The following SLC28A1 variants were observed in gnomAD, a reference collection of about 807,000 sequenced individuals.
SLC28A1 encodes the protein sodium/nucleoside cotransporter 1.
SLC28A1 carries 64 observed loss-of-function variants against 74.8 expected under a neutral mutation model. That is an observed-to-expected ratio of 0.86 (90% CI 0.70 to 1.05). SLC28A1 has a LOEUF of 1.05. SLC28A1 is among the 50% of genes least tolerant of loss of function. The probability of loss-of-function intolerance (pLI) is 0.00; values close to 1 mark genes in which losing one functional copy is unlikely to be tolerated. For synonymous variants in SLC28A1, 359 were observed against 335.0 expected, an observed-to-expected ratio of 1.07 and a Z score of -0.78; for missense variants, 828 against 822.8, an observed-to-expected ratio of 1.01 and a Z score of -0.08.
chr15:84,918,740 G>A (rs1562884), intron 10 of SLC28A1, 136 bp downstream of exon 10: 276,978 of 756,310 alleles, frequency 0.37, 52,446 homozygotes, highest in South Asian at 0.49. Context: ...CCCTTCCAGA[G>A]TCCCCTGTTC....
At chr15:84,972,747 T>C in the SLC28A1 span, among the ~76,000 whole-genome samples, 1 of 152,250 alleles carries the variant, frequency 6.6e-6, no homozygotes, top group Non-Finnish European at 1.5e-5. Context: ...CATTGGTAGC[T>C]ATGCTTCTAT....
chr15:84,962,048 A>G, the SLC28A1 span, among the ~76,000 whole-genome samples: 1 of 152,078 alleles, frequency 6.6e-6, no homozygotes, highest in Non-Finnish European at 1.5e-5. Flanking sequence ...GTCTTTTGCA[A>G]TAATCTTGAC....
chr15:84,909,109 G>A (rs1217424406), intron 9 of SLC28A1, among the ~76,000 whole-genome samples: 1 of 152,158 alleles, frequency 6.6e-6, no homozygotes, highest in Non-Finnish European at 1.5e-5. Context: ...GGGGGTAGGG[G>A]TCATGGGGAC....
chr15:84,916,104 A>C (rs979295532), intron 9 of SLC28A1, among the ~76,000 whole-genome samples: 1 of 150,786 alleles, frequency 6.6e-6, no homozygotes, highest in Non-Finnish European at 1.5e-5. Context: ...CTGGGATTAC[A>C]GGCACCCGCC....
chr15:84,935,712 A>C (rs970121943), intron 15 of SLC28A1, among the ~76,000 whole-genome samples, 194 bp downstream of exon 15: 1 of 152,166 alleles, frequency 6.6e-6, no homozygotes, highest in African/African-American at 2.4e-5. Flanking sequence ...AAGGCCTTTT[A>C]GGAGGCTGAG....
At chr15:84,912,693 T>C (rs1968435946) in intron 9 of SLC28A1, among the ~76,000 whole-genome samples, 1 of 152,038 alleles carries the variant, frequency 6.6e-6, no homozygotes, top group Admixed American at 6.6e-5. Context: ...TCAGATTTTC[T>C]CTGGAGGAAC....
At chr15:84,930,614 CTTTTTTT>C (rs10609233) in intron 12 of SLC28A1, among the ~76,000 whole-genome samples, 2 of 103,502 alleles carry the variant, frequency 1.9e-5, no homozygotes, top group Non-Finnish European at 3.8e-5. Flanking sequence ...CTGCCCTCTG[CTTTTTTT>C]TTTTTTTTTT....
chr15:84,964,492 A>G, the SLC28A1 span, among the ~76,000 whole-genome samples: 4 of 152,224 alleles, frequency 2.6e-5, no homozygotes, highest in African/African-American at 9.7e-5. Flanking sequence ...ATTACCCAAT[A>G]TCAATTGCAA....
At chr15:84,946,082 GTTCATATA>G (rs1567196184), downstream of SLC28A1, among the ~76,000 whole-genome samples, 18 of 23,408 alleles carry the variant, frequency 7.7e-4, 2 homozygotes, top group African/African-American at 2.3e-3. Context: ...GTGTGTGTAT[GTTCATATA>G]TATATATATA....
chr15:84,953,552 A>G, the SLC28A1 span, among the ~76,000 whole-genome samples: 4 of 152,166 alleles, frequency 2.6e-5, no homozygotes, highest in African/African-American at 9.7e-5. Flanking sequence ...CAAGATAGCG[A>G]GACCTTGTCT....
intron 12 of SLC28A1, among the ~76,000 whole-genome samples, chr15:84,928,590 CTTTCTT>C (rs1970850675): frequency 6.5e-5 from 1 of 15,356 alleles, no homozygotes; most frequent in Non-Finnish European, 1.1e-4. Context: ...TTCTTTCTTT[CTTTCTT>C]TCTTTCTTTT....
chr15:84,907,715 A>G (rs1967448676), intron 8 of SLC28A1, among the ~76,000 whole-genome samples: 1 of 152,166 alleles, frequency 6.6e-6, no homozygotes, highest in Non-Finnish European at 1.5e-5. Flanking sequence ...ATCATCAAGG[A>G]CATAGGTTAA....
At chr15:84,938,383 T>C (rs1413268623) in intron 15 of SLC28A1, 1 of 152,052 alleles carries the variant, frequency 6.6e-6, no homozygotes, top group Non-Finnish European at 1.5e-5. Context: ...ATTTATGGGG[T>C]ACATGAGGTG....
At chr15:84,951,597 AAG>A in the SLC28A1 span, among the ~76,000 whole-genome samples, 16 of 152,192 alleles carry the variant, frequency 1.1e-4, no homozygotes, top group East Asian at 3.1e-3. Context: ...CAGGAAGAAT[AAG>A]ATAGGTGGCA....
chr15:84,918,555 T>G lies in SLC28A1; in HGVS notation c.827T>G (p.Val276Gly). 1 of 1,613,996 alleles carries G rather than the reference T, an allele frequency of 6.2e-7. No homozygotes were observed. The highest frequency in any genetic ancestry group is 1.3e-5 in the African/African-American group (1 of 75,032). ...CCCATCATTGTCTTTTTCAGCTGTGTCATATCCGTTCTCTACCACGTGGGC... is the reference window on the plus strand; with the variant it reads ...CCCATCATTGTCTTTTTCAGCTGTGGCATATCCGTTCTCTACCACGTGGGC... ...VLPIIVFFSCVISVLYHVGLM... is the reference protein window; with the variant it reads ...VLPIIVFFSCGISVLYHVGLM... The change falls in exon 10 of 19, where the codon GTC (valine) becomes GGC (glycine). Residue 276 changes from valine (V) to glycine (G), a missense_variant. Physicochemically the swap from Val to Gly is moderately radical, Grantham distance 109 (BLOSUM62 -3). Transcript: ENST00000394573.
At chr15:84,930,238 A>G (rs1169557649) in intron 12 of SLC28A1, among the ~76,000 whole-genome samples, 1 of 152,224 alleles carries the variant, frequency 6.6e-6, no homozygotes, top group Admixed American at 6.5e-5. Flanking sequence ...GAAAATCCCA[A>G]GATTCCAGGT....
In SLC28A1 at chr15:84,889,059, T is replaced by C. The variant is rs577306414; in HGVS notation, c.185+199T>C. The stretch of plus-strand genomic sequence containing the variant: ...CAAGTCACAGGCTCCCCACCTGCTT[T>C]TGAACAGCTGAAACGAAATCCCATC... On this transcript the variant is annotated intron_variant, in intron 4 of 18. Coordinates refer to ENST00000394573, the MANE Select transcript of SLC28A1 (RefSeq NM_004213.5). Among the ~76,000 whole-genome samples the C allele has an allele frequency of 4.6e-5, 7 of 152,262 alleles. No homozygotes were observed. The South Asian group carries it at 1.0e-3, about 23-fold the overall frequency.
intron 9 of SLC28A1, among the ~76,000 whole-genome samples, chr15:84,909,034 A>G (rs1265140794): frequency 9.3e-5 from 1 of 10,792 alleles, no homozygotes; most frequent in Non-Finnish European, 2.4e-4. Flanking sequence ...ATATTTCTGT[A>G]TGTTTTTTTT....
the SLC28A1 span, among the ~76,000 whole-genome samples, chr15:84,964,156 C>G: frequency 6.6e-6 from 1 of 152,094 alleles, no homozygotes; most frequent in African/African-American, 2.4e-5. Context: ...CTATCTCATA[C>G]ATGTCAGTAT....
Sources: allele counts gnomAD v4.1 joint callset (sites outside exome capture counted in the v4.1 genomes callset), GRCh38; gene constraint gnomAD v4.1.1; transcripts MANE v1.5; gene names NCBI Gene and HGNC (gene_info 2026-07-23, HGNC 2026-07-21).